The following ARHGAP32 variants were observed in gnomAD, a reference collection of about 807,000 sequenced individuals.
The protein encoded by ARHGAP32 is rho GTPase-activating protein 32.
A neutral mutation model predicts 186.5 loss-of-function variants in ARHGAP32; 51 were observed. That is an observed-to-expected ratio of 0.27 (90% CI 0.22 to 0.35). The LOEUF (loss-of-function observed/expected upper bound fraction) is 0.35. Ranked by LOEUF, ARHGAP32 falls within the 10% of genes least tolerant of loss-of-function variation. The pLI is 1.00. For synonymous variants in ARHGAP32, 950 were observed against 964.3 expected, an observed-to-expected ratio of 0.99 and a Z score of 0.27; for missense variants, 2,186 against 2,623.5, an observed-to-expected ratio of 0.83 and a Z score of 3.64.
chr11:129,099,826 C>T (rs1298752334), intron 5 of ARHGAP32, among the ~76,000 whole-genome samples: 1 of 151,886 alleles, frequency 6.6e-6, no homozygotes, highest in Admixed American at 6.6e-5. Context: ...AGATGACTGG[C>T]GTGCTTCTAA....
chr11:129,202,902 A>AAAAAG, intron 1 of ARHGAP32: 1 of 152,344 alleles, frequency 6.6e-6, no homozygotes, highest in African/African-American at 2.4e-5. Context: ...GGAAAATAAA[A>AAAAAG]AAAAGAAAAG....
intron 1 of ARHGAP32, among the ~76,000 whole-genome samples, chr11:129,224,406 G>A (rs1207192884): frequency 6.6e-6 from 1 of 152,116 alleles, no homozygotes; most frequent in African/African-American, 2.4e-5. Flanking sequence ...AAACAGTAGA[G>A]TGAGTACCTC....
chr11:129,123,573 T>C lies in ARHGAP32; in HGVS notation c.360-43A>G. The C allele has an allele frequency of 6.5e-7, 1 of 1,534,626 alleles. No homozygotes were observed. Among genetic ancestry groups the C allele is most frequent in the Non-Finnish European group, 9.0e-7 (1 of 1,113,284 alleles). On this transcript the variant is annotated intron_variant, in intron 4 of 22. Coordinates refer to ENST00000682385, the MANE Select transcript of ARHGAP32 (RefSeq NM_001378024.1). This position sits in a 1 kb window ranked among gnomAD's most constrained non-coding sequence, Gnocchi z 4.6. ...AATAAGAAACGAGATAGTGAAACAG[T>C]AAAAATTACTAAGTTTAAGGGAAAA...
intron 11 of ARHGAP32, among the ~76,000 whole-genome samples, chr11:129,019,175 C>T (rs1938489516): frequency 6.6e-6 from 1 of 152,152 alleles, no homozygotes; most frequent in Admixed American, 6.5e-5. Context: ...GATAGCTCTG[C>T]CCTCTCTCTG....
Position 128,986,221 on chromosome 11 carries a change from ATTCAGG to A in ARHGAP32, c.1444-142_1444-137del, listed in dbSNP as rs1266961544. The A allele has an allele frequency of 1.6e-4, 115 of 730,680 alleles. 1 individual carries two copies. In the African/African-American group the frequency reaches 1.8e-3, roughly 11 times the overall value. 45.3% of individuals were successfully genotyped at this position (730,680 alleles called of 1,614,324 possible). On this transcript the variant is annotated intron_variant, in intron 14 of 22. Coordinates refer to ENST00000682385, the MANE Select transcript of ARHGAP32 (RefSeq NM_001378024.1). ...AAATGGCGAGGAAACACAACATTGT[ATTCAGG>A]AAGTAAACTGTTTCCACACAGTGTG...
At chr11:129,180,656 A>T (rs1171865177) in intron 1 of ARHGAP32, among the ~76,000 whole-genome samples, 3 of 152,104 alleles carry the variant, frequency 2.0e-5, no homozygotes, top group Admixed American at 6.6e-5. Context: ...AATTATGGAC[A>T]AATTTTATGC....
chr11:129,073,169 C>A (rs1940923041), intron 6 of ARHGAP32, among the ~76,000 whole-genome samples: 1 of 152,176 alleles, frequency 6.6e-6, no homozygotes, highest in African/African-American at 2.4e-5. Context: ...ATTTAACATA[C>A]TTCTTTGACC....
chr11:128,995,529 A>G (rs1172002929), intron 12 of ARHGAP32, among the ~76,000 whole-genome samples: 3 of 152,240 alleles, frequency 2.0e-5, no homozygotes, highest in African/African-American at 7.2e-5. Flanking sequence ...AATTTTTAAC[A>G]GCTTCAACAT....
rs200376127 is a variant in ARHGAP32, at chr11:129,088,529, G to T, written c.531+5092C>A. On this transcript the variant is annotated intron_variant, in intron 6 of 22. Transcript: ENST00000682385. ...TGTGAGTTGGAGGTTGCAGTGAGCCGAGATCACACCACTGCACTCCAGACT... is the reference window on the plus strand; with the variant it reads ...TGTGAGTTGGAGGTTGCAGTGAGCCTAGATCACACCACTGCACTCCAGACT... 5.9e-5 allele frequency among the ~76,000 whole-genome samples: 9 copies of T among 151,644 alleles called. No homozygotes were observed. In the East Asian group the frequency reaches 1.2e-3, roughly 20 times the overall value.
intron 1 of ARHGAP32, among the ~76,000 whole-genome samples, chr11:129,224,924 C>A (rs1006374498): frequency 1.3e-5 from 2 of 151,962 alleles, no homozygotes; most frequent in Non-Finnish European, 2.9e-5. Flanking sequence ...CCAGCCTGGA[C>A]AACATAGCAA....
chr11:129,165,622 AAT>A (rs1247450962), intron 1 of ARHGAP32, among the ~76,000 whole-genome samples: 2 of 150,930 alleles, frequency 1.3e-5, no homozygotes, highest in African/African-American at 2.4e-5. Context: ...TGAGAAAAAA[AAT>A]AGTCAAACCA....
intron 11 of ARHGAP32, among the ~76,000 whole-genome samples, chr11:129,027,646 T>G (rs1001919030): frequency 2.6e-5 from 4 of 152,174 alleles, no homozygotes; most frequent in African/African-American, 9.7e-5. Flanking sequence ...TGTTCAAAAG[T>G]AGGTTTCTAA....
In ARHGAP32 at chr11:129,092,187, A is replaced by G. The variant is rs539520739; in HGVS notation, c.531+1434T>C. On this transcript the variant is annotated intron_variant, in intron 6 of 22. Coordinates refer to ENST00000682385, the MANE Select transcript of ARHGAP32 (RefSeq NM_001378024.1). Reference sequence around the variant, plus strand: ...ATACGTTATAATATTTGGTACCAAAATACCATGCTTGCCTTCTGAAGGTCA... The same window carrying G: ...ATACGTTATAATATTTGGTACCAAAGTACCATGCTTGCCTTCTGAAGGTCA... 2.0e-5 allele frequency among the ~76,000 whole-genome samples: 3 copies of G among 152,160 alleles called. No homozygotes were observed. The East Asian group carries it at 5.8e-4, about 29-fold the overall frequency.
chr11:129,009,758 C>T (rs575285731), intron 11 of ARHGAP32, among the ~76,000 whole-genome samples: 5 of 152,118 alleles, frequency 3.3e-5, no homozygotes, highest in Admixed American at 2.0e-4. Flanking sequence ...TGGGTTGATT[C>T]TGTGTCTTTG....
At position 129,108,650 on chromosome 11, in the gene ARHGAP32, G is replaced by A. The variant is rs188345410; in HGVS notation, c.444+14796C>T. On this transcript the variant is annotated intron_variant, in intron 5 of 22. Coordinates refer to ENST00000682385, the MANE Select transcript of ARHGAP32 (RefSeq NM_001378024.1). ...CTGCTCGAGCCCTTTGCTGATTTGT[G>A]AAGTGGGTTGTTGATATTTTGTTGT... Among the ~76,000 whole-genome samples the A allele has an allele frequency of 7.7e-4, 118 of 152,274 alleles. 1 individual carries two copies. The highest frequency in any genetic ancestry group is 2.7e-3 in the African/African-American group (112 of 41,566).
chr11:129,125,253 T>C (rs1168390057), intron 2 of ARHGAP32, among the ~76,000 whole-genome samples: 5 of 151,972 alleles, frequency 3.3e-5, no homozygotes, highest in Admixed American at 1.3e-4. Flanking sequence ...AAAATGCTAA[T>C]ATAAAAAAAG....
At chr11:129,068,543 GC>G (rs2135165763) in intron 6 of ARHGAP32, among the ~76,000 whole-genome samples, 1 of 152,126 alleles carries the variant, frequency 6.6e-6, no homozygotes, top group Admixed American at 6.6e-5. Flanking sequence ...AGTTCCCACT[GC>G]CCCCAAATCC....
At chr11:129,143,090 A>ATATATATATATATATATATATATAG (rs1258769121) in intron 2 of ARHGAP32, among the ~76,000 whole-genome samples, 102 of 47,458 alleles carry the variant, frequency 2.1e-3, no homozygotes, top group Non-Finnish European at 3.6e-3. Context: ...TATATATATA[A>ATATATATATATATATATATATATAG]TCAACTGAAT....
At chr11:129,141,989 C>G (rs546440378) in intron 2 of ARHGAP32, among the ~76,000 whole-genome samples, 1 of 152,196 alleles carries the variant, frequency 6.6e-6, no homozygotes, top group African/African-American at 2.4e-5. Flanking sequence ...ATCTATATAA[C>G]TACAATGTGC....
Sources: allele counts gnomAD v4.1 joint callset (sites outside exome capture counted in the v4.1 genomes callset), GRCh38; gene constraint gnomAD v4.1.1; non-coding constraint Gnocchi (gnomAD v3.1); transcripts MANE v1.5; gene names NCBI Gene and HGNC (gene_info 2026-07-23, HGNC 2026-07-21).